The following DLGAP1 variants were observed in gnomAD, a reference collection of about 807,000 sequenced individuals.
DLGAP1 encodes the protein DLG associated protein 1, also known as disks large-associated protein 1.
A neutral mutation model predicts 90.8 loss-of-function variants in DLGAP1; 11 were observed. That is an observed-to-expected ratio of 0.12 (90% CI 0.08 to 0.20). DLGAP1 has a LOEUF of 0.20. DLGAP1 is among the 10% of genes least tolerant of loss of function. The probability of loss-of-function intolerance (pLI) is 1.00; values close to 1 mark genes in which losing one functional copy is unlikely to be tolerated. For synonymous variants in DLGAP1, 558 were observed against 540.7 expected, an observed-to-expected ratio of 1.03 and a Z score of -0.44; for missense variants, 1,050 against 1,333.8, an observed-to-expected ratio of 0.79 and a Z score of 3.31.
In DLGAP1 at chr18:3,969,104, G is replaced by GA. The variant is rs199667281; in HGVS notation, c.-73+36011dup. Among the ~76,000 whole-genome samples the GA allele has an allele frequency of 2.3e-4, 35 of 152,148 alleles. No homozygotes were observed. The East Asian group carries it at 6.8e-3, about 29-fold the overall frequency. On this transcript the variant is annotated intron_variant, in intron 3 of 12. Transcript: ENST00000315677. ...ACTATTTTCCTTAACAATATTCAAA[G>GA]AAAATTATGATTATTTTGCTACTAT...
At chr18:3,848,974 G>A (rs1342741524) in intron 4 of DLGAP1, among the ~76,000 whole-genome samples, 1 of 152,168 alleles carries the variant, frequency 6.6e-6, no homozygotes, top group Non-Finnish European at 1.5e-5. Context: ...GGGGCCCTGT[G>A]ACATGGTCCT....
chr18:4,131,224 G>A (rs182404800), intron 2 of DLGAP1, among the ~76,000 whole-genome samples: 4 of 151,108 alleles, frequency 2.6e-5, no homozygotes, highest in Non-Finnish European at 4.5e-5. Flanking sequence ...GTGCAAGCAC[G>A]TGTAAGAGAG....
At chr18:3,763,953 C>T (rs1290874174) in intron 5 of DLGAP1, among the ~76,000 whole-genome samples, 4 of 152,120 alleles carry the variant, frequency 2.6e-5, no homozygotes, top group Non-Finnish European at 4.4e-5. Flanking sequence ...TGCAGCACTG[C>T]GCCTGGCCTA....
At chr18:3,864,465 T>C (rs1204892918) in intron 4 of DLGAP1, among the ~76,000 whole-genome samples, 1 of 152,172 alleles carries the variant, frequency 6.6e-6, no homozygotes, top group African/African-American at 2.4e-5. Context: ...AAACATGCCA[T>C]ATTAGGACTA....
At chr18:4,215,364 A>G (rs2077931079) in intron 1 of DLGAP1, among the ~76,000 whole-genome samples, 1 of 152,190 alleles carries the variant, frequency 6.6e-6, no homozygotes, top group South Asian at 2.1e-4. Context: ...ATTTAAAGAC[A>G]GGCCTTACAC....
intron 7 of DLGAP1, among the ~76,000 whole-genome samples, chr18:3,644,366 T>G (rs1440749391): frequency 6.6e-6 from 1 of 152,122 alleles, no homozygotes; most frequent in East Asian, 1.9e-4. Flanking sequence ...TGAAGACATA[T>G]TAGGACAAAA....
intron 7 of DLGAP1, among the ~76,000 whole-genome samples, chr18:3,609,084 C>T (rs2057467152): frequency 6.6e-6 from 1 of 152,178 alleles, no homozygotes; most frequent in Admixed American, 6.5e-5. Context: ...GAGCCTCGGC[C>T]TCCCAAAGTG....
chr18:4,333,843 G>A (rs1486761058), intron 1 of DLGAP1, among the ~76,000 whole-genome samples: 5 of 151,114 alleles, frequency 3.3e-5, no homozygotes, highest in African/African-American at 4.9e-5. Context: ...CTCGTGATCC[G>A]CCCGCCTTGG....
intron 9 of DLGAP1, among the ~76,000 whole-genome samples, chr18:3,541,516 C>A (rs1293177634): frequency 6.6e-6 from 1 of 152,162 alleles, no homozygotes; most frequent in Non-Finnish European, 1.5e-5. Flanking sequence ...TCCAAGGAAA[C>A]TTTGAAGAGT....
In DLGAP1 at chr18:3,742,343, T is replaced by C; in HGVS notation, c.1342A>G (p.Ile448Val). The C allele has an allele frequency of 6.2e-7, 1 of 1,613,468 alleles. No homozygotes were observed. Among genetic ancestry groups the C allele is most frequent in the Non-Finnish European group, 8.5e-7 (1 of 1,179,464 alleles). ...NESYMRAMST[I>V]SQVSEMEVNG... Reference sequence around the variant, plus strand: ...GCCCTGACGGCCCTCACCTGGCTGATGGTGCTCATGGCTCGCATGTAGCTC... The same window carrying C: ...GCCCTGACGGCCCTCACCTGGCTGACGGTGCTCATGGCTCGCATGTAGCTC... Residue 448 changes from isoleucine (I) to valine (V), a missense_variant, in exon 6 of 13, where the codon ATC becomes GTC. By Grantham distance (29) the Ile-to-Val change is conservative. This residue lies in a region of DLGAP1 where 565 missense variants were observed against 879.7 expected (regional missense o/e 0.64). Transcript: ENST00000315677.
At chr18:3,758,290 T>C (rs906829052) in intron 5 of DLGAP1, among the ~76,000 whole-genome samples, 1 of 152,176 alleles carries the variant, frequency 6.6e-6, no homozygotes, top group Non-Finnish European at 1.5e-5. Flanking sequence ...ACAATAAGTC[T>C]TGGCTTTGTC....
chr18:4,249,112 T>C (rs1235845091), intron 1 of DLGAP1, among the ~76,000 whole-genome samples: 1 of 152,174 alleles, frequency 6.6e-6, no homozygotes, highest in African/African-American at 2.4e-5. Context: ...CCTGCTCTAT[T>C]TCTCTCCATT....
chr18:4,377,078 T>C (rs2082028995), intron 1 of DLGAP1, among the ~76,000 whole-genome samples: 1 of 152,118 alleles, frequency 6.6e-6, no homozygotes, highest in African/African-American at 2.4e-5. Flanking sequence ...GACTCTGCCA[T>C]ACAAGCCAGG....
chr18:3,677,344 G>C (rs1321462875), intron 7 of DLGAP1, among the ~76,000 whole-genome samples: 1 of 152,208 alleles, frequency 6.6e-6, no homozygotes, highest in Non-Finnish European at 1.5e-5. Flanking sequence ...TTGCCCCAGT[G>C]AATCAGCTCT....
chr18:4,339,023 G>A (rs906596195), intron 1 of DLGAP1, among the ~76,000 whole-genome samples: 9 of 152,086 alleles, frequency 5.9e-5, no homozygotes, highest in Non-Finnish European at 1.2e-4. Context: ...TTAACACACC[G>A]CAGATCAATG....
chr18:4,369,573 T>C (rs1471415238), intron 1 of DLGAP1, among the ~76,000 whole-genome samples: 1 of 152,014 alleles, frequency 6.6e-6, no homozygotes, highest in Admixed American at 6.6e-5. Flanking sequence ...AAATACCTAC[T>C]GAATAGCCAG....
intron 3 of DLGAP1, among the ~76,000 whole-genome samples, chr18:3,929,528 T>G (rs2072469439): frequency 6.6e-6 from 1 of 152,176 alleles, no homozygotes; most frequent in East Asian, 1.9e-4. Context: ...CTAAACCACC[T>G]TTTGTCTGAT....
chr18:3,583,168 ACC>A (rs1161232409), intron 7 of DLGAP1, among the ~76,000 whole-genome samples: 16,858 of 127,002 alleles, frequency 0.13, 1,218 homozygotes, highest in East Asian at 0.25. Context: ...CTACCTACCT[ACC>A]TACCTACCTA....
chr18:3,984,997 T>C (rs966201477), intron 3 of DLGAP1, among the ~76,000 whole-genome samples: 6 of 152,178 alleles, frequency 3.9e-5, no homozygotes, highest in East Asian at 3.8e-4. Context: ...TCCACCCTCA[T>C]TGTTTTTGTT....
Sources: gnomAD v4.1 joint callset for allele counts (sites outside exome capture counted in the v4.1 genomes callset) on GRCh38, gnomAD v4.1.1 for gene constraint, gnomAD v4.1.1 regional missense constraint, MANE v1.5 for transcripts, NCBI Gene and HGNC (gene_info 2026-07-23, HGNC 2026-07-21) for gene names.